STXBP4: variants seen among roughly 807,000 people sequenced by gnomAD.
STXBP4 encodes syntaxin binding protein 4, also known as syntaxin-binding protein 4.
Under a neutral mutation model 76.1 loss-of-function variants are expected in STXBP4, and 55 were observed. That is an observed-to-expected ratio of 0.72 (90% CI 0.58 to 0.91). The LOEUF is 0.91. STXBP4 is among the 40% of genes least tolerant of loss of function. The probability of loss-of-function intolerance (pLI) is 0.00; values close to 1 mark genes in which losing one functional copy is unlikely to be tolerated. For missense variants in STXBP4, 618 were observed against 636.9 expected (o/e 0.97, Z 0.32); for synonymous variants, 201 against 220.2 (o/e 0.91, Z 0.77).
At chr17:55,100,277 G>A (rs2079548567) in intron 16 of STXBP4, among the ~76,000 whole-genome samples, 1 of 152,128 alleles carries the variant, frequency 6.6e-6, no homozygotes, top group Non-Finnish European at 1.5e-5. Flanking sequence ...GTTTTGTCTT[G>A]TTTTGTTTTA....
intron 1 of STXBP4, among the ~76,000 whole-genome samples, chr17:54,970,376 A>G (rs769906218): frequency 2.0e-5 from 3 of 152,206 alleles, no homozygotes; most frequent in Non-Finnish European, 2.9e-5. Flanking sequence ...TTAGGAAGCA[A>G]TTGCAGTAGT....
At chr17:55,097,104 A>T (rs1425690129) in intron 16 of STXBP4, among the ~76,000 whole-genome samples, 2 of 152,220 alleles carry the variant, frequency 1.3e-5, no homozygotes, top group African/African-American at 4.8e-5. Flanking sequence ...ATTGATAAAA[A>T]TTATAAAGCA....
At chr17:55,055,990 G>C (rs1447569733) in intron 12 of STXBP4, among the ~76,000 whole-genome samples, 1 of 152,102 alleles carries the variant, frequency 6.6e-6, no homozygotes, top group African/African-American at 2.4e-5. Flanking sequence ...TTTGGTGAAT[G>C]GATAAAGGGA....
chr17:55,191,230 T>G, the STXBP4 span, among the ~76,000 whole-genome samples: 5 of 152,244 alleles, frequency 3.3e-5, no homozygotes, highest in Admixed American at 2.6e-4. Flanking sequence ...CCAAGTCTGA[T>G]TTTCGCTTTA....
chr17:55,177,430 G>C (rs1021917942), downstream of STXBP4, among the ~76,000 whole-genome samples: 1 of 152,188 alleles, frequency 6.6e-6, no homozygotes, highest in Non-Finnish European at 1.5e-5. Flanking sequence ...GACGTGAACA[G>C]GCTCTGGCAA....
chr17:55,134,524 T>C (rs2080007298), intron 16 of STXBP4, among the ~76,000 whole-genome samples: 1 of 152,124 alleles, frequency 6.6e-6, no homozygotes, highest in Admixed American at 6.5e-5. Context: ...AACTTCAGAA[T>C]TTCTGGAGAA....
In STXBP4 at chr17:55,161,646, A is replaced by G. The variant is rs965942600; in HGVS notation, c.*1735A>G. On this transcript the variant is annotated 3_prime_UTR_variant, in exon 18 of 18. Transcript: ENST00000376352. ...CATCCATTAACTGCTGTTTTGTACC[A>G]CTTGCCGCCCTGTTTCTGTCAAATA... is the stretch of plus-strand genomic sequence containing the variant. 6.6e-6 allele frequency: 1 copy of G among 152,196 alleles called. No individual in the cohort carries two copies. The highest frequency in any genetic ancestry group is 1.5e-5 in the Non-Finnish European group (1 of 68,026). 9.4% of individuals were successfully genotyped at this position (152,196 alleles called of 1,614,324 possible).
intron 16 of STXBP4, among the ~76,000 whole-genome samples, chr17:55,107,851 G>C (rs244372): frequency 0.37 from 56,745 of 152,062 alleles, 11,256 homozygotes; most frequent in East Asian, 0.54. Flanking sequence ...TGAGGTGTCT[G>C]TTGACCCCTT....
the STXBP4 span, among the ~76,000 whole-genome samples, chr17:55,198,363 G>T: frequency 2.0e-5 from 3 of 152,124 alleles, no homozygotes; most frequent in East Asian, 3.9e-4. Context: ...TTGGCCTCAG[G>T]TTCTCTGCCT....
At chr17:55,139,143 A>C (rs756408580) in intron 16 of STXBP4, among the ~76,000 whole-genome samples, 3 of 152,124 alleles carry the variant, frequency 2.0e-5, no homozygotes, top group Non-Finnish European at 4.4e-5. Flanking sequence ...TACCTTTATA[A>C]GTCTGTTATA....
At chr17:55,109,790 A>C (rs2079690791) in intron 16 of STXBP4, among the ~76,000 whole-genome samples, 1 of 151,912 alleles carries the variant, frequency 6.6e-6, no homozygotes. Context: ...GGCCGTCACC[A>C]CCATGGCTGG....
chr17:55,007,858 T>C (rs2078037047), intron 8 of STXBP4, among the ~76,000 whole-genome samples: 2 of 152,170 alleles, frequency 1.3e-5, no homozygotes, highest in South Asian at 4.1e-4. Flanking sequence ...CCTCGGAGAA[T>C]AAGACAAATG....
At chr17:54,990,996 A>G (rs763610725) in intron 4 of STXBP4, 39 bp downstream of exon 4, 1 of 1,482,082 alleles carries the variant, frequency 6.7e-7, no homozygotes, top group Non-Finnish European at 8.9e-7. Context: ...ATACAAACAA[A>G]AAGACCCACC....
chr17:55,019,595 A>G (rs928053082), intron 8 of STXBP4, among the ~76,000 whole-genome samples: 2 of 152,142 alleles, frequency 1.3e-5, no homozygotes, highest in Admixed American at 1.3e-4. Context: ...GATAATTTAG[A>G]ATTACCTGTG....
At chr17:55,023,599 G>A (rs1017969163) in intron 8 of STXBP4, among the ~76,000 whole-genome samples, 5 of 151,950 alleles carry the variant, frequency 3.3e-5, no homozygotes, top group Admixed American at 1.3e-4. Flanking sequence ...TTTCGATTTC[G>A]GATTTTTGGA....
chr17:55,145,896 G>A (rs903283354), intron 17 of STXBP4, among the ~76,000 whole-genome samples: 4 of 152,120 alleles, frequency 2.6e-5, no homozygotes, highest in Admixed American at 1.3e-4. Flanking sequence ...CTTAGAGAGA[G>A]AGTTGCAACA....
At chr17:55,207,653 T>G in the STXBP4 span, among the ~76,000 whole-genome samples, 1 of 152,250 alleles carries the variant, frequency 6.6e-6, no homozygotes, top group East Asian at 1.9e-4. Flanking sequence ...GGGGTGTATT[T>G]TGTGCTTCTC....
chr17:55,037,708 C>G (rs1446839392), intron 10 of STXBP4, among the ~76,000 whole-genome samples: 2 of 152,084 alleles, frequency 1.3e-5, no homozygotes, highest in Non-Finnish European at 2.9e-5. Context: ...ATATTTTACA[C>G]CATACTCACG....
the STXBP4 span, among the ~76,000 whole-genome samples, chr17:55,191,234 C>T: frequency 1.6e-3 from 251 of 152,206 alleles, 3 homozygotes; most frequent in African/African-American, 5.7e-3. Flanking sequence ...GTCTGATTTT[C>T]GCTTTACTGA....
Sources: gnomAD v4.1 joint callset for allele counts (sites outside exome capture counted in the v4.1 genomes callset) on GRCh38, gnomAD v4.1.1 for gene constraint, MANE v1.5 for transcripts, NCBI Gene and HGNC (gene_info 2026-07-23, HGNC 2026-07-21) for gene names.